Variants in DRC8 observed in about 807,000 individuals in gnomAD.
The protein encoded by DRC8 is dynein regulatory complex protein 8.
chr1:244,980,384 T>TA, the DRC8 span, among the ~76,000 whole-genome samples: 1 of 151,950 alleles, frequency 6.6e-6, no homozygotes, highest in Non-Finnish European at 1.5e-5. Flanking sequence ...AAATAAAAAA[T>TA]AAAGTTTTTT....
At chr1:244,980,896 A>T in the DRC8 span, among the ~76,000 whole-genome samples, 48 of 152,164 alleles carry the variant, frequency 3.2e-4, no homozygotes, top group Admixed American at 3.9e-4. Context: ...AATTTTGTTG[A>T]CTGAGGCCGG....
At chr1:245,067,838 T>G in the DRC8 span, among the ~76,000 whole-genome samples, 1 of 152,218 alleles carries the variant, frequency 6.6e-6, no homozygotes, top group Non-Finnish European at 1.5e-5. Context: ...TGTTCTTATT[T>G]TGAAGTAGTT....
the DRC8 span, among the ~76,000 whole-genome samples, chr1:244,982,911 A>G: frequency 2.6e-5 from 4 of 152,002 alleles, no homozygotes; most frequent in Non-Finnish European, 5.9e-5. Context: ...AAAAATAAAA[A>G]TACAAAAAAT....
At chr1:245,003,644 C>T in the DRC8 span, among the ~76,000 whole-genome samples, 1 of 152,156 alleles carries the variant, frequency 6.6e-6, no homozygotes, top group South Asian at 2.1e-4. Context: ...GGCTAGGGTG[C>T]AGTGGTGGAA....
the DRC8 span, among the ~76,000 whole-genome samples, chr1:245,103,752 A>G: frequency 6.6e-6 from 1 of 152,324 alleles, no homozygotes; most frequent in Non-Finnish European, 1.5e-5. Context: ...TGGTCTGGGA[A>G]GCACTGCTTG....
the DRC8 span, among the ~76,000 whole-genome samples, chr1:244,992,584 C>G: frequency 6.6e-6 from 1 of 151,888 alleles, no homozygotes; most frequent in African/African-American, 2.4e-5. Flanking sequence ...ACTAAAAATA[C>G]AAAAAATTAG....
chr1:244,992,785 C>T, the DRC8 span, among the ~76,000 whole-genome samples: 7 of 152,178 alleles, frequency 4.6e-5, no homozygotes, highest in East Asian at 1.9e-4. Context: ...ATGAATTTGA[C>T]GTAGTGCCTG....
the DRC8 span, among the ~76,000 whole-genome samples, chr1:245,053,396 C>A: frequency 1.3e-5 from 2 of 152,300 alleles, no homozygotes; most frequent in Admixed American, 1.3e-4. Flanking sequence ...GGGACAGCAT[C>A]CGTGTCGTCT....
chr1:245,072,590 G>C, the DRC8 span, among the ~76,000 whole-genome samples: 1 of 152,204 alleles, frequency 6.6e-6, no homozygotes, highest in African/African-American at 2.4e-5. Context: ...TCATGGTGAA[G>C]ACTTGTTGTT....
the DRC8 span, among the ~76,000 whole-genome samples, chr1:245,063,116 G>A: frequency 2.6e-5 from 4 of 152,108 alleles, no homozygotes. Flanking sequence ...TGAGTCTTCT[G>A]ACTCATTAGA....
chr1:245,100,794 A>AATG, the DRC8 span, among the ~76,000 whole-genome samples: 1 of 98,152 alleles, frequency 1.0e-5, no homozygotes, highest in Non-Finnish European at 2.2e-5. Flanking sequence ...CAAAATAAAT[A>AATG]ATAATAATAA....
At chr1:244,982,107 G>C in the DRC8 span, among the ~76,000 whole-genome samples, 1 of 152,146 alleles carries the variant, frequency 6.6e-6, no homozygotes, top group Non-Finnish European at 1.5e-5. Context: ...TTAAGGACAA[G>C]TTCTTAGGGA....
the DRC8 span, among the ~76,000 whole-genome samples, chr1:245,096,712 A>G: frequency 5.3e-5 from 8 of 152,266 alleles, no homozygotes; most frequent in Non-Finnish European, 1.0e-4. Context: ...ATGTGTTCAC[A>G]TTGGCAATTC....
chr1:245,039,581 C>T, the DRC8 span, among the ~76,000 whole-genome samples: 1 of 152,088 alleles, frequency 6.6e-6, no homozygotes, highest in Non-Finnish European at 1.5e-5. Flanking sequence ...GTACCATCAA[C>T]TGAACTAGAG....
chr1:245,116,493 G>T, the DRC8 span, among the ~76,000 whole-genome samples: 1 of 152,182 alleles, frequency 6.6e-6, no homozygotes, highest in Non-Finnish European at 1.5e-5. Flanking sequence ...GAAGTTTCGG[G>T]TGGAGCTGGC....
chr1:245,109,566 G>A, the DRC8 span, among the ~76,000 whole-genome samples: 52 of 152,316 alleles, frequency 3.4e-4, no homozygotes, highest in African/African-American at 1.3e-3. Flanking sequence ...TAGGTTAACT[G>A]ATAATACTGG....
chr1:245,022,149 C>CTTT, the DRC8 span, among the ~76,000 whole-genome samples: 2 of 143,210 alleles, frequency 1.4e-5, no homozygotes, highest in East Asian at 2.0e-4. Flanking sequence ...AAAACACAGA[C>CTTT]TTTTTTTTTT....
At chr1:244,998,280 C>T in the DRC8 span, among the ~76,000 whole-genome samples, 22 of 152,136 alleles carry the variant, frequency 1.4e-4, no homozygotes, top group Non-Finnish European at 2.8e-4. Flanking sequence ...GCGATCACAG[C>T]TCACTGCAGC....
chr1:245,110,385 AAAAAC>A, the DRC8 span, among the ~76,000 whole-genome samples: 146,147 of 151,414 alleles, frequency 0.97, 70,664 homozygotes, highest in Non-Finnish European at 1. Flanking sequence ...TTCCTTCTCA[AAAAAC>A]AAAACAAAAC....
Sources: allele counts gnomAD v4.1 joint callset (sites outside exome capture counted in the v4.1 genomes callset), GRCh38; gene constraint gnomAD v4.1.1; transcripts MANE v1.5; gene names NCBI Gene and HGNC (gene_info 2026-07-23, HGNC 2026-07-21).